The following KLHL32 variants were observed in gnomAD, a reference collection of about 807,000 sequenced individuals.
The protein encoded by KLHL32 is kelch like family member 32.
Under a neutral mutation model 64.8 loss-of-function variants are expected in KLHL32, and 35 were observed. The observed-to-expected ratio is 0.54, with a 90% CI of 0.41 to 0.72. KLHL32 has a LOEUF of 0.72. KLHL32 is among the 30% of genes least tolerant of loss of function. KLHL32 has a pLI of 0.00. For synonymous variants in KLHL32, 259 were observed against 281.0 expected, an observed-to-expected ratio of 0.92 and a Z score of 0.78; for missense variants, 589 against 768.5, an observed-to-expected ratio of 0.77 and a Z score of 2.76.
intron 1 of KLHL32, among the ~76,000 whole-genome samples, chr6:96,932,021 C>G (rs1297739262): frequency 1.3e-5 from 2 of 151,980 alleles, no homozygotes; most frequent in East Asian, 1.9e-4. Flanking sequence ...TTGATAGAGT[C>G]TCTCGTTCAC....
intron 1 of KLHL32, among the ~76,000 whole-genome samples, chr6:96,960,091 G>T (rs1449783418): frequency 6.6e-6 from 1 of 152,164 alleles, no homozygotes; most frequent in Admixed American, 6.5e-5. Context: ...GATCCATACA[G>T]AATAGGGGTA....
intron 3 of KLHL32, chr6:97,025,112 AGAG>A: frequency 3.0e-6 from 3 of 985,294 alleles, no homozygotes; most frequent in Admixed American, 6.1e-5. Flanking sequence ...GTTTTACAAA[AGAG>A]GAGAAGACAT....
intron 6 of KLHL32, among the ~76,000 whole-genome samples, chr6:97,108,303 T>A (rs1796677475): frequency 6.6e-6 from 1 of 152,210 alleles, no homozygotes; most frequent in South Asian, 2.1e-4. Context: ...TTACCCTGAG[T>A]TGTGCTTTCT....
At chr6:96,907,692 C>A in the KLHL32 span, among the ~76,000 whole-genome samples, 1 of 152,134 alleles carries the variant, frequency 6.6e-6, no homozygotes. Context: ...CTTAGGATGC[C>A]ACAACTTAAC....
chr6:97,060,818 G>T (rs1024624157), intron 4 of KLHL32, among the ~76,000 whole-genome samples: 3 of 152,110 alleles, frequency 2.0e-5, no homozygotes, highest in African/African-American at 7.2e-5. Flanking sequence ...GCACTTGTGG[G>T]TTTTACACTA....
intron 3 of KLHL32, among the ~76,000 whole-genome samples, chr6:97,036,526 T>C (rs1244718809): frequency 6.6e-6 from 1 of 152,186 alleles, no homozygotes; most frequent in Non-Finnish European, 1.5e-5. Flanking sequence ...GACTTTCACC[T>C]GAGATGTGAT....
rs764963883 is a variant in KLHL32 at position 97,041,507 on chromosome 6, T to G, written c.220T>G (p.Cys74Gly). 6.2e-7 allele frequency: 1 copy of G among 1,613,168 alleles called. No homozygotes were observed. The highest frequency in any genetic ancestry group is 8.5e-7 in the Non-Finnish European group (1 of 1,179,136). Residue 74 changes from cysteine (C) to glycine (G), a missense_variant, in exon 4 of 11, where the codon TGT becomes GGT. Coordinates refer to ENST00000369261, the MANE Select transcript of KLHL32 (RefSeq NM_052904.4). ...CTCACCTCAGGCAATGTTCAGTCTTTGTATGGTGGAAAGTGGAGCTGATGA... is the reference window on the plus strand; with the variant it reads ...CTCACCTCAGGCAATGTTCAGTCTTGGTATGGTGGAAAGTGGAGCTGATGA... ...SDYFRAMFSL[C>G]MVESGADEVN...
At chr6:97,074,019 C>G (rs1420886384) in intron 5 of KLHL32, among the ~76,000 whole-genome samples, 1 of 152,196 alleles carries the variant, frequency 6.6e-6, no homozygotes, top group Non-Finnish European at 1.5e-5. Context: ...GGCCTCAGTC[C>G]TGAACATTCA....
At chr6:97,077,654 A>C (rs1791817500) in intron 5 of KLHL32, among the ~76,000 whole-genome samples, 1 of 152,212 alleles carries the variant, frequency 6.6e-6, no homozygotes, top group Admixed American at 6.5e-5. Context: ...GCTCAGATTA[A>C]GTACTTAAGA....
chr6:96,913,119 A>G, the KLHL32 span, among the ~76,000 whole-genome samples: 1 of 152,340 alleles, frequency 6.6e-6, no homozygotes, highest in South Asian at 2.1e-4. Context: ...GTGGCTATGT[A>G]TAATCTTGCT....
At chr6:97,076,117 A>G (rs143202506) in intron 5 of KLHL32, among the ~76,000 whole-genome samples, 1 of 152,306 alleles carries the variant, frequency 6.6e-6, no homozygotes, top group East Asian at 1.9e-4. Context: ...ATATTATAGT[A>G]ATACATACTT....
chr6:97,019,447 T>G (rs1381198666), intron 3 of KLHL32, among the ~76,000 whole-genome samples: 1 of 152,186 alleles, frequency 6.6e-6, no homozygotes, highest in Non-Finnish European at 1.5e-5. Flanking sequence ...GCCAGTGTGA[T>G]TAGGACTTAT....
Position 97,140,655 on chromosome 6 carries a change from A to T in KLHL32, c.*1373A>T, listed in dbSNP as rs1047291817. The T allele has an allele frequency of 6.6e-6, 1 of 151,988 alleles. No individual in the cohort carries two copies. Among genetic ancestry groups the T allele is most frequent in the African/African-American group, 2.4e-5 (1 of 41,434 alleles). 9.4% of individuals were successfully genotyped at this position (151,988 alleles called of 1,614,324 possible). A position where few individuals can be genotyped will look rare whatever the true frequency, so the allele number is the denominator to read the frequency against. On this transcript the variant is annotated 3_prime_UTR_variant, in exon 11 of 11. Transcript: ENST00000369261. ...TTCACTCTTTTTTCCTTGGCAGTTT[A>T]ATCATTCAGGAATCCCTCTCTTAAA...
chr6:96,980,474 C>A (rs560895643), intron 3 of KLHL32, among the ~76,000 whole-genome samples: 1 of 152,176 alleles, frequency 6.6e-6, no homozygotes, highest in South Asian at 2.1e-4. Context: ...TATTTATTTG[C>A]ATATAGTGAA....
intron 3 of KLHL32, among the ~76,000 whole-genome samples, chr6:97,014,072 C>T (rs951075975): frequency 4.6e-5 from 7 of 152,074 alleles, no homozygotes; most frequent in Non-Finnish European, 8.8e-5. Context: ...TTTGGGAGGC[C>T]GTGGCGGGCG....
intron 7 of KLHL32, among the ~76,000 whole-genome samples, chr6:97,127,086 A>G (rs555500744): frequency 2.6e-5 from 4 of 152,302 alleles, no homozygotes; most frequent in South Asian, 4.1e-4. Context: ...AGATTTGTCT[A>G]TGTGTACTAT....
In KLHL32 at chr6:97,113,961, A is replaced by G. The variant is rs1797526387; in HGVS notation, c.806A>G (p.Gln269Arg). 6.2e-7 allele frequency: 1 copy of G among 1,614,236 alleles called. No individual in the cohort carries two copies. The highest frequency in any genetic ancestry group is 8.5e-7 in the Non-Finnish European group (1 of 1,180,044). Reference protein sequence around the residue: ...ALVNEALEYHQSIYAQPVWQT... With the variant: ...ALVNEALEYHRSIYAQPVWQT... The stretch of plus-strand genomic sequence containing the variant: ...GTCAACGAGGCCCTGGAATACCACC[A>G]GAGCATCTATGCACAGCCTGTCTGG... Residue 269 changes from glutamine to arginine, a missense_variant, in exon 7 of 11, where the codon CAG becomes CGG. Physicochemically the swap from Gln to Arg is conservative, Grantham distance 43. Around this residue, in one of 3 missense-constraint regions of KLHL32, gnomAD observed 226 missense variants for 353.2 expected, o/e 0.64. Transcript: ENST00000369261.
At chr6:97,011,264 C>G (rs567853450) in intron 3 of KLHL32, among the ~76,000 whole-genome samples, 1 of 152,150 alleles carries the variant, frequency 6.6e-6, no homozygotes, top group East Asian at 1.9e-4. Context: ...TTGAATCCTG[C>G]AAGAGGTGGT....
chr6:97,131,273 T>G (rs1799413335), intron 9 of KLHL32, among the ~76,000 whole-genome samples: 2 of 152,302 alleles, frequency 1.3e-5, no homozygotes, highest in South Asian at 4.1e-4. Flanking sequence ...CTGAAGGATT[T>G]AATAACTCTT....
Sources: allele counts gnomAD v4.1 joint callset (sites outside exome capture counted in the v4.1 genomes callset), GRCh38; gene constraint gnomAD v4.1.1; regional missense constraint gnomAD v4.1.1; transcripts MANE v1.5; gene names NCBI Gene and HGNC (gene_info 2026-07-23, HGNC 2026-07-21).